Variants in GPATCH2 observed in about 807,000 individuals in gnomAD.
GPATCH2 encodes the protein G-patch domain containing 2.
Under a neutral mutation model 58.0 loss-of-function variants are expected in GPATCH2, and 51 were observed. That is an observed-to-expected ratio of 0.88 (90% CI 0.70 to 1.11). GPATCH2 has a LOEUF of 1.11. Ranked by LOEUF, GPATCH2 falls within the 50% of genes most tolerant of loss-of-function variation. The pLI is 0.00. For missense variants in GPATCH2, 625 were observed against 652.2 expected, an observed-to-expected ratio of 0.96 and a Z score of 0.45; for synonymous variants, 222 against 218.5, an observed-to-expected ratio of 1.02 and a Z score of -0.14.
intron 5 of GPATCH2, among the ~76,000 whole-genome samples, chr1:217,577,336 A>G (rs985760444): frequency 6.6e-6 from 1 of 152,192 alleles, no homozygotes; most frequent in Non-Finnish European, 1.5e-5. Context: ...TGTAATATTT[A>G]AGAGCATGAT....
intron 9 of GPATCH2, among the ~76,000 whole-genome samples, chr1:217,447,888 A>G (rs1659463030): frequency 1.3e-5 from 2 of 152,280 alleles, no homozygotes; most frequent in Non-Finnish European, 2.9e-5. Context: ...ACCTGAGGTC[A>G]GGAGTTCAAG....
At chr1:217,628,682 TA>T (rs553392606) in intron 1 of GPATCH2, among the ~76,000 whole-genome samples, 28,178 of 131,032 alleles carry the variant, frequency 0.22, 2,876 homozygotes, top group Middle Eastern at 0.28. Flanking sequence ...ATAATAAAGT[TA>T]AAAAAAAAAA....
At chr1:217,603,079 T>A (rs1450267467) in intron 5 of GPATCH2, among the ~76,000 whole-genome samples, 1 of 152,102 alleles carries the variant, frequency 6.6e-6, no homozygotes, top group African/African-American at 2.4e-5. Context: ...TATATATAAA[T>A]AGCCTGTAGA....
chr1:217,472,273 G>A (rs1408920548), intron 8 of GPATCH2, among the ~76,000 whole-genome samples: 5 of 149,208 alleles, frequency 3.4e-5, no homozygotes, highest in South Asian at 2.1e-4. Flanking sequence ...ATTAGGCATC[G>A]CTTAGTGCAT....
At chr1:217,512,943 T>C (rs925990288) in intron 6 of GPATCH2, among the ~76,000 whole-genome samples, 2 of 152,234 alleles carry the variant, frequency 1.3e-5, no homozygotes, top group Admixed American at 6.5e-5. Context: ...ATATGCGTTG[T>C]GGCATGCTGA....
chr1:217,564,253 T>C (rs528332419), intron 5 of GPATCH2, among the ~76,000 whole-genome samples: 1 of 152,202 alleles, frequency 6.6e-6, no homozygotes, highest in South Asian at 2.1e-4. Flanking sequence ...ATGATAGCCA[T>C]ATATAATCAG....
intron 5 of GPATCH2, among the ~76,000 whole-genome samples, chr1:217,583,479 G>T (rs989730031): frequency 6.6e-6 from 1 of 150,446 alleles, no homozygotes; most frequent in Admixed American, 6.6e-5. Context: ...GCTGAGGCAG[G>T]AGAGTTGCAT....
At chr1:217,438,886 C>A (rs578020209) in intron 9 of GPATCH2, among the ~76,000 whole-genome samples, 3 of 152,234 alleles carry the variant, frequency 2.0e-5, no homozygotes, top group African/African-American at 4.8e-5. Context: ...TTCTTAGAGA[C>A]CTACAAAGAG....
chr1:217,567,966 A>C (rs1219060110), intron 5 of GPATCH2, among the ~76,000 whole-genome samples: 1 of 152,088 alleles, frequency 6.6e-6, no homozygotes, highest in Non-Finnish European at 1.5e-5. Context: ...AATACAAAAA[A>C]ATTAGCCGAG....
chr1:217,515,875 T>C (rs1163265134), intron 5 of GPATCH2, among the ~76,000 whole-genome samples: 3 of 151,660 alleles, frequency 2.0e-5, no homozygotes, highest in African/African-American at 7.3e-5. Context: ...AGATCCTAAA[T>C]ATAAATAACA....
At chr1:217,575,833 C>T (rs548683860) in intron 5 of GPATCH2, among the ~76,000 whole-genome samples, 1 of 152,198 alleles carries the variant, frequency 6.6e-6, no homozygotes, top group Admixed American at 6.5e-5. Flanking sequence ...GTGTTAAAAG[C>T]TAATAGCTTC....
Position 217,623,325 on chromosome 1 carries a change from A to G in GPATCH2, c.57-2826T>C, listed in dbSNP as rs1360559418. Among the ~76,000 whole-genome samples, 6 of 152,166 alleles carry G rather than the reference A, an allele frequency of 3.9e-5. No homozygotes were observed. In the East Asian group the frequency reaches 1.2e-3, roughly 29 times the overall value. ...ATATTACAATTTAGTGCTTTACTGC[A>G]GCACAGAACATTTATAGTACTAACA... On this transcript the variant is annotated intron_variant, in intron 1 of 9. Transcript: ENST00000366935.
chr1:217,610,996 C>T lies in GPATCH2; in HGVS notation c.911G>A (p.Trp304Ter), dbSNP rs771293504. 2 of 1,613,338 alleles carry T rather than the reference C, an allele frequency of 1.2e-6. No homozygotes were observed. Among genetic ancestry groups the T allele is most frequent in the Non-Finnish European group, 1.7e-6 (2 of 1,179,560 alleles). Residue 304 changes from tryptophan to a stop codon, truncating the protein, a stop_gained, in exon 4 of 10, where the codon TGG becomes TAG. Transcript: ENST00000366935. LOFTEE classifies it high-confidence loss of function. ...CTCAGTAGGATCTTCCTTTTCCCAC[C>T]AGGGCACAACTCCAGTGATACCACA... The part of the protein sequence containing the change: ...GACGITGVVP[W>*]WEKEDPTELD...
chr1:217,511,854 G>A (rs1454111922), intron 6 of GPATCH2, among the ~76,000 whole-genome samples: 1 of 150,162 alleles, frequency 6.7e-6, no homozygotes, highest in Admixed American at 6.6e-5. Context: ...TGTCTATACA[G>A]CGTTGCCTGT....
rs147829279 is a variant in GPATCH2 at position 217,612,612 on chromosome 1, T to A, written c.835+1529A>T. Among the ~76,000 whole-genome samples, 965 of 152,216 alleles carry A rather than the reference T, an allele frequency of 6.3e-3. 17 individuals are homozygous for A. The highest frequency in any genetic ancestry group is 0.022 in the African/African-American group (925 of 41,554). On this transcript the variant is annotated intron_variant, in intron 3 of 9. Coordinates refer to ENST00000366935, the MANE Select transcript of GPATCH2 (RefSeq NM_018040.5). ...GAGCTTTACATTAAAATTACACAGA[T>A]CAGGTTTAAGCATAAGAAAAAACAG...
rs142327634 is a variant in GPATCH2, at chr1:217,575,210, C to G, written c.1098+35111G>C. Among the ~76,000 whole-genome samples the G allele has an allele frequency of 9.7e-3, 1,480 of 152,256 alleles. 11 individuals carry two copies. The highest frequency in any genetic ancestry group is 0.014 in the Non-Finnish European group (926 of 67,998). On this transcript the variant is annotated intron_variant, in intron 5 of 9. Coordinates refer to ENST00000366935, the MANE Select transcript of GPATCH2 (RefSeq NM_018040.5). ...GCTGGGATTAGATCTCAAAGCTGAC[C>G]TATGGTTTACTGTTCTTTCCATTAC...
intron 5 of GPATCH2, among the ~76,000 whole-genome samples, chr1:217,587,115 T>C (rs1159315455): frequency 3.9e-5 from 6 of 152,132 alleles, no homozygotes; most frequent in African/African-American, 1.4e-4. Context: ...TTATCTCAGA[T>C]AGCTAGTTAA....
At chr1:217,582,546 C>G (rs1250377066) in intron 5 of GPATCH2, among the ~76,000 whole-genome samples, 1 of 151,764 alleles carries the variant, frequency 6.6e-6, no homozygotes, top group Non-Finnish European at 1.5e-5. Flanking sequence ...AAATGACTAG[C>G]AGGAAAAGCA....
At position 217,555,186 on chromosome 1, in the gene GPATCH2, C is replaced by T. The variant is rs144932502; in HGVS notation, c.1099-40297G>A. Among the ~76,000 whole-genome samples, 166 of 152,210 alleles carry T rather than the reference C, an allele frequency of 1.1e-3. 1 individual carries two copies. The highest frequency in any genetic ancestry group is 3.9e-3 in the African/African-American group (160 of 41,540). ...TCCAGGTCCTCTTTTTAAAAACCAA[C>T]GTGAAAAGTAATGCAGCAAAAGGTA... On this transcript the variant is annotated intron_variant, in intron 5 of 9. Transcript: ENST00000366935.
Sources: allele counts gnomAD v4.1 joint callset (sites outside exome capture counted in the v4.1 genomes callset), GRCh38; gene constraint gnomAD v4.1.1; transcripts MANE v1.5; gene names NCBI Gene and HGNC (gene_info 2026-07-23, HGNC 2026-07-21).